TMEM204: variants seen among roughly 807,000 people sequenced by gnomAD.
The protein encoded by TMEM204 is claudin-like protein 24.
TMEM204 carries 15 observed loss-of-function variants against 19.4 expected under a neutral mutation model. The observed-to-expected ratio is 0.77, with a 90% confidence interval of 0.52 to 1.19. The LOEUF (loss-of-function observed/expected upper bound fraction) is 1.19. TMEM204 is among the 50% of genes most tolerant of loss of function. The pLI is 0.00. For missense variants in TMEM204, 287 were observed against 321.2 expected (o/e 0.89, Z 0.81); for synonymous variants, 161 against 146.0 (o/e 1.10, Z -0.74).
At position 1,551,814 on chromosome 16, in the gene TMEM204, C is replaced by T. The variant is rs2032664274; in HGVS notation, c.437-2968C>T. Among the ~76,000 whole-genome samples the T allele has an allele frequency of 6.6e-6, 1 of 152,188 alleles. No homozygotes were observed. Among genetic ancestry groups the T allele is most frequent in the South Asian group, 2.1e-4 (1 of 4,834 alleles). ...AGATCAACTCTGCGGGACCTCCCACCCGGGCTGGTTGCCCTGTGTTGCCTT... is the reference window on the plus strand; with the variant it reads ...AGATCAACTCTGCGGGACCTCCCACTCGGGCTGGTTGCCCTGTGTTGCCTT... On this transcript the variant is annotated intron_variant, in intron 2 of 2. Transcript: ENST00000566264. The surrounding 1 kb of genome is among the most constrained non-coding windows in gnomAD (Gnocchi z 4.0).
intron 2 of TMEM204, among the ~76,000 whole-genome samples, 176 bp downstream of exon 2, chr16:1,542,252 C>T (rs970201981): frequency 6.6e-6 from 1 of 152,248 alleles, no homozygotes; most frequent in Non-Finnish European, 1.5e-5. Context: ...TTGCTGTAGG[C>T]AAGAATGATG....
At chr16:1,552,264 G>T (rs897014616) in intron 2 of TMEM204, among the ~76,000 whole-genome samples, 1 of 152,228 alleles carries the variant, frequency 6.6e-6, no homozygotes, top group African/African-American at 2.4e-5. Context: ...GCCCTCGAGG[G>T]TCTCAGGGCT....
chr16:1,544,399 A>G (rs1179604885), intron 2 of TMEM204, among the ~76,000 whole-genome samples: 1 of 151,494 alleles, frequency 6.6e-6, no homozygotes, highest in Non-Finnish European at 1.5e-5. Flanking sequence ...GTTCGCCAGG[A>G]TGGTCTCGAT....
intron 1 of TMEM204, among the ~76,000 whole-genome samples, chr16:1,538,884 G>A (rs1222546982): frequency 1.3e-5 from 2 of 152,208 alleles, no homozygotes; most frequent in Non-Finnish European, 2.9e-5. Context: ...CAGTCAGCCA[G>A]GGCAGTGTCT....
In TMEM204 at chr16:1,555,476, C is replaced by A. The variant is rs537296651; in HGVS notation, c.*450C>A. ...CAATATTCCTTGAGTGAGTCAGAAT[C>A]TATAGCCGGTTAGTGATGGTTTCAG... On this transcript the variant is annotated 3_prime_UTR_variant, in exon 3 of 3. Transcript: ENST00000566264. 1 of 174,116 alleles carries A rather than the reference C, an allele frequency of 5.7e-6. No individual in the cohort carries two copies. Among genetic ancestry groups the A allele is most frequent in the South Asian group, 1.4e-4 (1 of 6,992 alleles). The allele number at this position is 174,116 out of a possible 1,614,324, so 10.8% of individuals were successfully genotyped here.
intron 2 of TMEM204, 32 bp downstream of exon 2, chr16:1,542,108 C>A: frequency 3.9e-6 from 6 of 1,548,954 alleles, no homozygotes; most frequent in Non-Finnish European, 5.2e-6. Flanking sequence ...GCCACCGCGC[C>A]CTTGCCCCCT....
chr16:1,544,911 G>A (rs557430441), intron 2 of TMEM204, among the ~76,000 whole-genome samples: 1 of 152,306 alleles, frequency 6.6e-6, no homozygotes, highest in South Asian at 2.1e-4. Flanking sequence ...GCCTCCCAAA[G>A]TGCTGGGATT....
intron 2 of TMEM204, among the ~76,000 whole-genome samples, chr16:1,544,160 G>T (rs8053608): frequency 0.26 from 38,291 of 148,984 alleles, 5,546 homozygotes; most frequent in African/African-American, 0.39. Flanking sequence ...TGGGATTGCA[G>T]GCACCTGCCA....
upstream of TMEM204, among the ~76,000 whole-genome samples, chr16:1,529,593 G>A (rs2030220748): frequency 6.6e-6 from 1 of 152,218 alleles, no homozygotes; most frequent in African/African-American, 2.4e-5. Flanking sequence ...CTGAGCACCC[G>A]GCCCACCAGC....
In TMEM204 at chr16:1,553,548, G is replaced by A. The variant is rs1596353656; in HGVS notation, c.437-1234G>A. ...TGGACAAGTCCTCTATGGACAAGAG[G>A]GGCTGGAGAGTTTAATCTGGACCAG... On this transcript the variant is annotated intron_variant, in intron 2 of 2. Coordinates refer to ENST00000566264, the MANE Select transcript of TMEM204 (RefSeq NM_024600.6). The surrounding 1 kb of genome is among the most constrained non-coding windows in gnomAD (Gnocchi z 4.4). 1.0e-6 allele frequency: 1 copy of A among 1,002,164 alleles called. No individual in the cohort carries two copies. Among genetic ancestry groups the A allele is most frequent in the African/African-American group, 1.7e-5 (1 of 57,810 alleles). 62.1% of individuals were successfully genotyped at this position (1,002,164 alleles called of 1,614,324 possible). A position where few individuals can be genotyped will look rare whatever the true frequency, so the allele number is the denominator to read the frequency against.
At chr16:1,530,171 A>C (rs1596313019), upstream of TMEM204, among the ~76,000 whole-genome samples, 3 of 99,480 alleles carry the variant, frequency 3.0e-5, no homozygotes, top group Non-Finnish European at 3.5e-5. Context: ...ACAGAGTCTC[A>C]CTCTGTCACC....
Position 1,555,536 on chromosome 16 carries a change from T to C in TMEM204, c.*510T>C, listed in dbSNP as rs1057610. Reference sequence around the variant, plus strand: ...TGTTCGTGTCTGTTTTGCTCGATTCTTTTCCTAAGTTAAATAAATGCAAGC... The same window carrying C: ...TGTTCGTGTCTGTTTTGCTCGATTCCTTTCCTAAGTTAAATAAATGCAAGC... On this transcript the variant is annotated 3_prime_UTR_variant, in exon 3 of 3. Transcript: ENST00000566264. The C allele has an allele frequency of 0.43, 68,020 of 156,960 alleles. 16,249 individuals are homozygous for C. Among genetic ancestry groups the C allele is most frequent in the African/African-American group, 0.64 (26,478 of 41,502 alleles). The allele number at this position is 156,960 out of a possible 1,614,324, so 9.7% of individuals were successfully genotyped here. A position where few individuals can be genotyped will look rare whatever the true frequency, so the allele number is the denominator to read the frequency against.
rs994980240 is a variant in TMEM204, at chr16:1,553,050, C to T, written c.437-1732C>T. 2.0e-6 allele frequency: 2 copies of T among 985,308 alleles called. No homozygotes were observed. The highest frequency in any genetic ancestry group is 2.4e-6 in the Non-Finnish European group (2 of 829,944). 61.0% of individuals were successfully genotyped at this position (985,308 alleles called of 1,614,324 possible). On this transcript the variant is annotated intron_variant, in intron 2 of 2. Coordinates refer to ENST00000566264, the MANE Select transcript of TMEM204 (RefSeq NM_024600.6). The surrounding 1 kb of genome is among the most constrained non-coding windows in gnomAD (Gnocchi z 4.4). ...AAAGAATGAACACAGAAACCAGTCA[C>T]TGTCATTGTTCAGGACAAAATGGAG...
At chr16:1,554,675 G>T in intron 2 of TMEM204, 107 bp from the exon 3 acceptor site, 1 of 1,478,294 alleles carries the variant, frequency 6.8e-7, no homozygotes, top group Non-Finnish European at 9.2e-7. Context: ...CAGAGGGCTG[G>T]GGAAGGATAA....
intron 2 of TMEM204, among the ~76,000 whole-genome samples, chr16:1,547,146 T>G (rs546795825): frequency 6.0e-4 from 92 of 152,336 alleles, no homozygotes; most frequent in South Asian, 2.5e-3. Flanking sequence ...CCCCATTACC[T>G]TGTAATTTGT....
In TMEM204 at chr16:1,534,155, C is replaced by A; in HGVS notation, c.-121C>A. 2 of 1,314,634 alleles carry A rather than the reference C, an allele frequency of 1.5e-6. No individual in the cohort carries two copies. The highest frequency in any genetic ancestry group is 1.5e-5 in the African/African-American group (1 of 66,728). The allele number at this position is 1,314,634 out of a possible 1,614,324, so 81.4% of individuals were successfully genotyped here. ...CCATCCCATGGGCCTCCGCCCGCGC[C>A]GCCCCGAGGATGAGTGGTGATGTCC... On this transcript the variant is annotated 5_prime_UTR_variant, in exon 1 of 3. Transcript: ENST00000566264.
chr16:1,535,001 T>C (rs984865053), intron 1 of TMEM204, among the ~76,000 whole-genome samples: 1 of 151,826 alleles, frequency 6.6e-6, no homozygotes, highest in African/African-American at 2.4e-5. Flanking sequence ...GGCCAAGAGT[T>C]CAAGACGAAC....
intron 2 of TMEM204, 76 bp from the exon 3 acceptor site, chr16:1,554,706 A>G (rs916948602): frequency 1.5e-5 from 24 of 1,577,836 alleles, no homozygotes; most frequent in Non-Finnish European, 2.0e-5. Context: ...AACCTGCTCT[A>G]GGACAGAGGG....
At chr16:1,552,027 C>T (rs1304660146) in intron 2 of TMEM204, among the ~76,000 whole-genome samples, 3 of 152,158 alleles carry the variant, frequency 2.0e-5, no homozygotes, top group Non-Finnish European at 4.4e-5. Context: ...CCACGGCAAC[C>T]GCAGACCGTG....
Sources: allele counts gnomAD v4.1 joint callset (sites outside exome capture counted in the v4.1 genomes callset), GRCh38; gene constraint gnomAD v4.1.1; non-coding constraint Gnocchi (gnomAD v3.1); transcripts MANE v1.5; gene names NCBI Gene and HGNC (gene_info 2026-07-23, HGNC 2026-07-21).